Variants in UEVLD observed in about 807,000 individuals in gnomAD.
UEVLD encodes the protein UEV and lactate/malate dehyrogenase domains.
Under a neutral mutation model 58.6 loss-of-function variants are expected in UEVLD, and 47 were observed. The ratio of observed to expected loss-of-function variants is 0.80; its 90% CI spans 0.63 to 1.02. The LOEUF is 1.02. UEVLD is among the 50% of genes least tolerant of loss of function. UEVLD has a pLI of 0.00. For synonymous variants in UEVLD, 197 were observed against 195.3 expected (o/e 1.01, Z -0.07); for missense variants, 510 against 550.6 (o/e 0.93, Z 0.74).
At chr11:18,533,377 T>TA (rs766063552) in intron 11 of UEVLD, among the ~76,000 whole-genome samples, 129 of 132,720 alleles carry the variant, frequency 9.7e-4, no homozygotes, top group Middle Eastern at 3.8e-3. Flanking sequence ...AGATCAACTT[T>TA]AAAAAAAAAA....
chr11:18,557,881 A>G (rs568441384), intron 7 of UEVLD, among the ~76,000 whole-genome samples: 11 of 152,330 alleles, frequency 7.2e-5, no homozygotes, highest in South Asian at 2.1e-4. Flanking sequence ...GGAAACTTCT[A>G]TCTGTAGAAC....
chr11:18,534,577 GGGAAGCCT>G, intron 10 of UEVLD, 124 bp from the exon 11 acceptor site: 1 of 999,938 alleles, frequency 1.0e-6, no homozygotes, highest in Non-Finnish European at 1.4e-6. Flanking sequence ...GCAATTGTTA[GGGAAGCCT>G]ATAGATAATC....
chr11:18,572,007 C>T (rs1565136401), intron 3 of UEVLD, among the ~76,000 whole-genome samples: 2 of 152,064 alleles, frequency 1.3e-5, no homozygotes, highest in Non-Finnish European at 2.9e-5. Flanking sequence ...GAGGCCAAGG[C>T]GGACAGATCA....
At chr11:18,586,436 C>G (rs566128012) in intron 1 of UEVLD, among the ~76,000 whole-genome samples, 1 of 151,974 alleles carries the variant, frequency 6.6e-6, no homozygotes, top group Non-Finnish European at 1.5e-5. Context: ...AGGCCGATCT[C>G]GAACTCCTGG....
At position 18,530,928 on chromosome 11, in the gene UEVLD, T is replaced by C. The variant is rs982483481; in HGVS notation, c.*1392A>G. On this transcript the variant is annotated 3_prime_UTR_variant, in exon 12 of 12. Transcript: ENST00000396197. ...TTTTAGTAGAGACAGGGTTTCACCA[T>C]GTTAGCCAGGATGATCTCAATCTCC... The C allele has an allele frequency of 1.3e-5, 2 of 152,260 alleles. No homozygotes were observed. Among genetic ancestry groups the C allele is most frequent in the Non-Finnish European group, 2.9e-5 (2 of 68,106 alleles). The allele number at this position is 152,260 out of a possible 1,614,324, so 9.4% of individuals were successfully genotyped here. A position where few individuals can be genotyped will look rare whatever the true frequency, so the allele number is the denominator to read the frequency against.
chr11:18,571,929 C>A (rs1264775920), intron 3 of UEVLD, among the ~76,000 whole-genome samples: 2 of 152,106 alleles, frequency 1.3e-5, no homozygotes, highest in East Asian at 3.9e-4. Flanking sequence ...CAGAGCAACA[C>A]CCTCTCTCTT....
chr11:18,548,756 G>C (rs4756948), intron 7 of UEVLD, among the ~76,000 whole-genome samples: 30,818 of 152,160 alleles, frequency 0.2, 3,270 homozygotes, highest in East Asian at 0.25. Context: ...GTTTCAGAAG[G>C]AAACACTTGT....
chr11:18,588,490 G>C, intron 1 of UEVLD, 123 bp downstream of exon 1: 1 of 1,205,782 alleles, frequency 8.3e-7, no homozygotes, highest in Non-Finnish European at 1.1e-6. Context: ...TTTCAGACCA[G>C]CCGCCCCGGC....
intron 1 of UEVLD, among the ~76,000 whole-genome samples, chr11:18,586,449 G>A (rs529166408): frequency 2.1e-4 from 32 of 152,048 alleles, no homozygotes; most frequent in African/African-American, 7.0e-4. Flanking sequence ...ACTCCTGGCC[G>A]CAGGTGATCT....
At chr11:18,588,340 T>C (rs1853693196) in intron 1 of UEVLD, among the ~76,000 whole-genome samples, 1 of 152,170 alleles carries the variant, frequency 6.6e-6, no homozygotes, top group Admixed American at 6.5e-5. Context: ...GTTAGGCGTG[T>C]GCTGGGAGCT....
intron 7 of UEVLD, among the ~76,000 whole-genome samples, chr11:18,557,090 CAAAAA>C (rs550382014): frequency 1.2e-5 from 1 of 83,316 alleles, no homozygotes. Context: ...AACCCCGACT[CAAAAA>C]AAAAAAAAAA....
At chr11:18,552,245 A>G (rs1306550701) in intron 7 of UEVLD, among the ~76,000 whole-genome samples, 1 of 152,200 alleles carries the variant, frequency 6.6e-6, no homozygotes, top group Non-Finnish European at 1.5e-5. Context: ...AATTATAGCT[A>G]TTAAAAATCT....
At chr11:18,587,555 C>T (rs1262601713) in intron 1 of UEVLD, 4 of 152,100 alleles carry the variant, frequency 2.6e-5, no homozygotes, top group African/African-American at 9.7e-5. Flanking sequence ...GTAATTCCAC[C>T]ACTTTGGGAG....
chr11:18,534,638 G>A (rs190485069), intron 10 of UEVLD, among the ~76,000 whole-genome samples, 185 bp from the exon 11 acceptor site: 1 of 152,166 alleles, frequency 6.6e-6, no homozygotes, highest in Non-Finnish European at 1.5e-5. Context: ...TGTCAGATAG[G>A]CAGTTCAAAG....
In UEVLD at chr11:18,588,281, AG is replaced by A. The variant is rs148291780; in HGVS notation, c.42+331del. On this transcript the variant is annotated intron_variant, in intron 1 of 11. Transcript: ENST00000396197. ...GATGAGCTTTGCAATTCAAGAAAAA[AG>A]AAAAAAAAGGCAGACCATTTCAGCA... 3.0e-3 allele frequency among the ~76,000 whole-genome samples: 462 copies of A among 152,320 alleles called. 22 individuals are homozygous for A. The East Asian group carries it at 0.069, about 23-fold the overall frequency.
At chr11:18,556,252 T>A (rs1851753907) in intron 7 of UEVLD, among the ~76,000 whole-genome samples, 1 of 152,202 alleles carries the variant, frequency 6.6e-6, no homozygotes, top group Non-Finnish European at 1.5e-5. Flanking sequence ...AGAGGTCCTT[T>A]AAGAACTTCA....
chr11:18,552,070 C>T (rs911245625), intron 7 of UEVLD, among the ~76,000 whole-genome samples: 10 of 152,146 alleles, frequency 6.6e-5, no homozygotes, highest in African/African-American at 2.4e-4. Context: ...ATACTGAAGA[C>T]ACTACACATA....
intron 1 of UEVLD, 123 bp from the exon 2 acceptor site, chr11:18,578,931 G>C: frequency 2.9e-5 from 18 of 614,502 alleles, no homozygotes; most frequent in Non-Finnish European, 4.6e-5. Flanking sequence ...GCAGTGGCGG[G>C]ATCTCAGCTC....
At chr11:18,550,467 TG>T (rs1851478647) in intron 7 of UEVLD, among the ~76,000 whole-genome samples, 1 of 152,194 alleles carries the variant, frequency 6.6e-6, no homozygotes, top group Non-Finnish European at 1.5e-5. Flanking sequence ...TTACAAGCTC[TG>T]GGGGAACAGG....
Sources: allele counts gnomAD v4.1 joint callset (sites outside exome capture counted in the v4.1 genomes callset), GRCh38; gene constraint gnomAD v4.1.1; transcripts MANE v1.5; gene names NCBI Gene and HGNC (gene_info 2026-07-23, HGNC 2026-07-21).